The following NFKBID variants were observed in gnomAD, a reference collection of about 807,000 sequenced individuals.
NFKBID encodes NF-kappa-B inhibitor delta.
A neutral mutation model predicts 53.4 loss-of-function variants in NFKBID; 26 were observed. That is an observed-to-expected ratio of 0.49 (90% CI 0.36 to 0.68). The LOEUF (loss-of-function observed/expected upper bound fraction) is 0.68, where lower values mean the gene tolerates loss of function less well. NFKBID is among the 30% of genes least tolerant of loss of function. The probability of loss-of-function intolerance (pLI) is 0.00; values close to 1 mark genes in which losing one functional copy is unlikely to be tolerated. For synonymous variants in NFKBID, 262 were observed against 259.8 expected, an observed-to-expected ratio of 1.01 and a Z score of -0.08; for missense variants, 493 against 614.1, an observed-to-expected ratio of 0.80 and a Z score of 2.08.
chr19:35,898,099 G>A (rs1187794642), intron 3 of NFKBID, among the ~76,000 whole-genome samples: 11 of 152,140 alleles, frequency 7.2e-5, no homozygotes, highest in Non-Finnish European at 1.6e-4. Flanking sequence ...CTGGACTCAA[G>A]AGAACCTAGG....
intron 4 of NFKBID, 95 bp from the exon 5 acceptor site, chr19:35,897,153 T>A: frequency 7.5e-7 from 1 of 1,325,558 alleles, no homozygotes; most frequent in Non-Finnish European, 1.0e-6. Context: ...AATTCCTCCA[T>A]CCCAAGCCAC....
exon 12 of NFKBID, chr19:35,888,581 G>A (rs868354524): frequency 1.1e-5 from 18 of 1,572,064 alleles, no homozygotes; most frequent in African/African-American, 1.4e-5. Context: ...GCCTGGCGGC[G>A]CCACACGGCT....
chr19:35,901,883 T>C (rs146578317), upstream of NFKBID: 37 of 412,354 alleles, frequency 9.0e-5, 1 homozygote, highest in Admixed American at 7.8e-4. Flanking sequence ...CAAGATGCCA[T>C]GCTCTCAGGG....
At chr19:35,892,543 C>CAAAAAAAAAAAA (rs112001334) in intron 9 of NFKBID, among the ~76,000 whole-genome samples, 6 of 112,262 alleles carry the variant, frequency 5.3e-5, no homozygotes, top group African/African-American at 2.0e-4. Flanking sequence ...GACTCCATCT[C>CAAAAAAAAAAAA]AAAAAAAAAA....
Position 35,897,202 on chromosome 19 carries a change from T to A in NFKBID, c.433-144A>T, listed in dbSNP as rs368438048. 55 of 840,800 alleles carry A rather than the reference T, an allele frequency of 6.5e-5. 1 individual carries two copies. The East Asian group carries it at 1.4e-3, about 22-fold the overall frequency. 52.1% of individuals were successfully genotyped at this position (840,800 alleles called of 1,614,324 possible). A position where few individuals can be genotyped will look rare whatever the true frequency, so the allele number is the denominator to read the frequency against. ...GCATGCAGAGCCCCTGGGTATCCCA[T>A]CTATGCCAAGTGACCTTGGACCTTT... On this transcript the variant is annotated intron_variant, in intron 4 of 11. Transcript: ENST00000641389.
chr19:35,890,546 C>T (rs1176892179), intron 9 of NFKBID, 56 bp from the exon 10 acceptor site: 1 of 1,196,696 alleles, frequency 8.4e-7, no homozygotes, highest in East Asian at 2.3e-5. Context: ...GGTGCCCTCC[C>T]ACAGAATCCA....
chr19:35,896,403 C>T lies in NFKBID; in HGVS notation c.820G>A (p.Gly274Arg). The change falls in exon 7 of 12, where the codon GGA becomes AGA. Residue 274 changes from glycine to arginine, a missense_variant. Gly to Arg is a moderately radical substitution (Grantham distance 125). Coordinates refer to ENST00000641389, the Ensembl canonical transcript of NFKBID. The surrounding 1 kb of genome is among the most constrained non-coding windows in gnomAD (Gnocchi z 5.7). ...CCAGCTGGCCATACCAAGAGAACTC[C>T]TGGGAGCCCGTAGGTAGCGGCCACG... The T allele has an allele frequency of 6.2e-7, 1 of 1,614,202 alleles. No homozygotes were observed. Among genetic ancestry groups the T allele is most frequent in the Non-Finnish European group, 8.5e-7 (1 of 1,180,018 alleles).
chr19:35,889,874 C>T lies in NFKBID; in HGVS notation c.1314+16G>A. On this transcript the variant is annotated intron_variant, in intron 11 of 11. Transcript: ENST00000641389. Reference sequence around the variant, plus strand: ...GCTCAGAGGCCACTCTACAGGCAGGCTCAGTGCTTACTTACCCCCTCAGGG... The same window carrying T: ...GCTCAGAGGCCACTCTACAGGCAGGTTCAGTGCTTACTTACCCCCTCAGGG... 1 of 1,596,798 alleles carries T rather than the reference C, an allele frequency of 6.3e-7. No individual in the cohort carries two copies. The highest frequency in any genetic ancestry group is 8.6e-7 in the Non-Finnish European group (1 of 1,168,416).
At chr19:35,894,623 A>T (rs1975002697) in intron 9 of NFKBID, among the ~76,000 whole-genome samples, 1 of 151,566 alleles carries the variant, frequency 6.6e-6, no homozygotes, top group Admixed American at 6.6e-5. Context: ...ACTTAAGTGC[A>T]CAAGGTCAAG....
intron 10 of NFKBID, 59 bp downstream of exon 10, chr19:35,890,315 T>G: frequency 1.8e-6 from 2 of 1,137,372 alleles, no homozygotes; most frequent in Non-Finnish European, 2.6e-6. Context: ...ACCCCTAACA[T>G]CCCACTGCCC....
intron 9 of NFKBID, among the ~76,000 whole-genome samples, chr19:35,895,767 G>A (rs1160837932): frequency 6.6e-6 from 1 of 152,158 alleles, no homozygotes; most frequent in African/African-American, 2.4e-5. Context: ...TCACACCATT[G>A]CACTCCAGCC....
intron 10 of NFKBID, 107 bp from the exon 11 acceptor site, chr19:35,890,161 C>A: frequency 8.3e-7 from 1 of 1,198,952 alleles, no homozygotes; most frequent in Non-Finnish European, 1.2e-6. Flanking sequence ...TGTCCTTTCA[C>A]ATCCCAGACC....
At chr19:35,891,700 C>T (rs1974779226) in intron 9 of NFKBID, among the ~76,000 whole-genome samples, 1 of 152,020 alleles carries the variant, frequency 6.6e-6, no homozygotes, top group African/African-American at 2.4e-5. Context: ...GAAACCGTCT[C>T]TACTAAAAAT....
chr19:35,901,152 C>CTGTG (rs1975550687), upstream of NFKBID, among the ~76,000 whole-genome samples: 2 of 151,086 alleles, frequency 1.3e-5, no homozygotes, highest in Non-Finnish European at 2.9e-5. Context: ...ATTTCTGGGT[C>CTGTG]TGTGTCTAAG....
At chr19:35,897,435 G>T in intron 4 of NFKBID, 1 of 588,350 alleles carries the variant, frequency 1.7e-6, no homozygotes, top group Non-Finnish European at 3.0e-6. Context: ...TTTTATTTTT[G>T]GTTTCACCAT....
At chr19:35,899,864 T>TGCCCCAGGTGTCCTGC (rs1975451900) in intron 1 of NFKBID, 2 of 152,332 alleles carry the variant, frequency 1.3e-5, no homozygotes, top group African/African-American at 4.8e-5. Flanking sequence ...CCAAGTCCTG[T>TGCCCCAGGTGTCCTGC]GCCCCAGGTG....
chr19:35,888,676 G>T, intron 11 of NFKBID, 64 bp from the exon 12 acceptor site: 4 of 1,219,994 alleles, frequency 3.3e-6, no homozygotes, highest in East Asian at 2.5e-5. Context: ...GGGAAGGCAC[G>T]CCATGCAGAG....
At position 35,896,465 on chromosome 19, in the gene NFKBID, G is replaced by A. The variant is rs765614920; in HGVS notation, c.758C>T (p.Pro253Leu). The A allele has an allele frequency of 1.2e-6, 2 of 1,614,154 alleles. No individual in the cohort carries two copies. The highest frequency in any genetic ancestry group is 1.7e-5 in the Admixed American group (1 of 60,016). Residue 253 changes from proline (P) to leucine (L), a missense_variant, in exon 7 of 12, where the codon CCC becomes CTC. Physicochemically the swap from Pro to Leu is moderately conservative, Grantham distance 98. Transcript: ENST00000641389. This position sits in a 1 kb window ranked among gnomAD's most constrained non-coding sequence, Gnocchi z 5.7. ...ACGTCCCTGATGGTCAGCGGCATTGGGCTCTGCTCCCAGGTTCAACAGATC... is the reference window on the plus strand; with the variant it reads ...ACGTCCCTGATGGTCAGCGGCATTGAGCTCTGCTCCCAGGTTCAACAGATC...
upstream of NFKBID, chr19:35,902,008 A>C (rs897222179): frequency 4.9e-6 from 3 of 611,972 alleles, no homozygotes; most frequent in Non-Finnish European, 5.9e-6. Flanking sequence ...GATCTCACCC[A>C]GTCTTGTGGC....
Sources: allele counts gnomAD v4.1 joint callset (sites outside exome capture counted in the v4.1 genomes callset), GRCh38; gene constraint gnomAD v4.1.1; non-coding constraint Gnocchi (gnomAD v3.1); transcripts MANE v1.5; gene names NCBI Gene and HGNC (gene_info 2026-07-23, HGNC 2026-07-21).